Variants in ZNF804B observed in about 807,000 individuals in gnomAD.
The protein encoded by ZNF804B is zinc finger protein 804B.
Under a neutral mutation model 101.4 loss-of-function variants are expected in ZNF804B, and 80 were observed. The observed-to-expected ratio is 0.79, with a 90% confidence interval of 0.66 to 0.95. The LOEUF is 0.95. Ranked by LOEUF, ZNF804B falls within the 40% of genes least tolerant of loss-of-function variation. The pLI, the probability that ZNF804B is intolerant of heterozygous loss-of-function variation, is 0.00. For synonymous variants in ZNF804B, 622 were observed against 558.8 expected (o/e 1.11, Z -1.59); for missense variants, 1,673 against 1,561.9 (o/e 1.07, Z -1.20).
chr7:89,296,482 G>A (rs1353825615), intron 2 of ZNF804B, among the ~76,000 whole-genome samples: 3 of 151,840 alleles, frequency 2.0e-5, no homozygotes, highest in Non-Finnish European at 4.4e-5. Context: ...TTCTACTTTT[G>A]AGAGCCACAT....
rs1219722687 is a variant in ZNF804B, at chr7:89,299,915, T to C, written c.250-27429T>C. Among the ~76,000 whole-genome samples the C allele has an allele frequency of 4.6e-5, 7 of 151,982 alleles. No homozygotes were observed. The East Asian group carries it at 9.7e-4, about 21-fold the overall frequency. On this transcript the variant is annotated intron_variant, in intron 2 of 3. Coordinates refer to ENST00000333190, the MANE Select transcript of ZNF804B (RefSeq NM_181646.5). ...AAACATCTTACTGAAATAAATGATTTGTCTTGGTAATAGAAGTGTCAAAAG... is the reference window on the plus strand; with the variant it reads ...AAACATCTTACTGAAATAAATGATTCGTCTTGGTAATAGAAGTGTCAAAAG...
At chr7:88,818,313 G>A (rs6943791) in intron 1 of ZNF804B, among the ~76,000 whole-genome samples, 66,120 of 151,892 alleles carry the variant, frequency 0.44, 15,209 homozygotes, top group East Asian at 0.81. Context: ...TTGGCATAAA[G>A]TCATTGCTGA....
At chr7:89,212,098 T>C (rs1788813722) in intron 1 of ZNF804B, among the ~76,000 whole-genome samples, 1 of 152,150 alleles carries the variant, frequency 6.6e-6, no homozygotes, top group African/African-American at 2.4e-5. Flanking sequence ...TTTATTCTCT[T>C]TGTAAATTTG....
intron 1 of ZNF804B, among the ~76,000 whole-genome samples, chr7:88,776,568 T>TG (rs201311340): frequency 0.029 from 3,909 of 134,456 alleles, 223 homozygotes; most frequent in African/African-American, 0.11. Context: ...TTGTTTTTTT[T>TG]TTTTTTTTTT....
chr7:88,918,424 C>T (rs374109907), intron 1 of ZNF804B, among the ~76,000 whole-genome samples: 10 of 152,222 alleles, frequency 6.6e-5, no homozygotes, highest in East Asian at 3.9e-4. Flanking sequence ...ACATCTGTTA[C>T]ATTAAATTTT....
chr7:89,184,089 G>A (rs894796938), intron 1 of ZNF804B, among the ~76,000 whole-genome samples: 2 of 152,048 alleles, frequency 1.3e-5, no homozygotes, highest in African/African-American at 4.8e-5. Context: ...ATAGAATGAT[G>A]GAATCATTTA....
chr7:88,995,523 C>T (rs1025772390), intron 1 of ZNF804B, among the ~76,000 whole-genome samples: 1 of 152,002 alleles, frequency 6.6e-6, no homozygotes, highest in Admixed American at 6.6e-5. Flanking sequence ...GCACATTGTA[C>T]ATTTCTTCCC....
At chr7:88,795,000 T>C in intron 1 of ZNF804B, 1 of 1,446,538 alleles carries the variant, frequency 6.9e-7, no homozygotes, top group East Asian at 2.3e-5. Context: ...ATAATATTTA[T>C]GCTGCCAGGG....
intron 1 of ZNF804B, among the ~76,000 whole-genome samples, chr7:88,948,286 C>T (rs949870779): frequency 4.1e-5 from 6 of 147,140 alleles, no homozygotes; most frequent in Non-Finnish European, 7.4e-5. Context: ...AAACAACCTT[C>T]GTGTACTAGC....
chr7:89,262,200 A>C (rs1023901887), intron 2 of ZNF804B, among the ~76,000 whole-genome samples: 1 of 152,228 alleles, frequency 6.6e-6, no homozygotes, highest in Non-Finnish European at 1.5e-5. Flanking sequence ...GTAGAGCTGG[A>C]TCAAGTGTAA....
At chr7:88,950,477 C>A (rs1009614618) in intron 1 of ZNF804B, among the ~76,000 whole-genome samples, 1 of 70,424 alleles carries the variant, frequency 1.4e-5, no homozygotes, top group Non-Finnish European at 3.1e-5. Context: ...ATTTTGAATT[C>A]ATGAAAACAG....
rs142082806 is a variant in ZNF804B at position 88,781,335 on chromosome 7, C to A, written c.108+21251C>A. Reference sequence around the variant, plus strand: ...TTCTTCCTGAGGATATTAAGAGCAGCAGCAGAAGCCTGCTTAAGGACTTAC... The same window carrying A: ...TTCTTCCTGAGGATATTAAGAGCAGAAGCAGAAGCCTGCTTAAGGACTTAC... On this transcript the variant is annotated intron_variant, in intron 1 of 3. Coordinates refer to ENST00000333190, the MANE Select transcript of ZNF804B (RefSeq NM_181646.5). 1.9e-3 allele frequency among the ~76,000 whole-genome samples: 295 copies of A among 152,280 alleles called. 1 individual carries two copies. The highest frequency in any genetic ancestry group is 6.8e-3 in the African/African-American group (284 of 41,562).
At chr7:89,076,397 G>A (rs890126259) in intron 1 of ZNF804B, among the ~76,000 whole-genome samples, 3 of 152,142 alleles carry the variant, frequency 2.0e-5, no homozygotes, top group African/African-American at 7.2e-5. Context: ...CTCTCTCTTT[G>A]CCTAACTCCA....
At chr7:89,291,349 T>C (rs1790289315) in intron 2 of ZNF804B, among the ~76,000 whole-genome samples, 1 of 152,184 alleles carries the variant, frequency 6.6e-6, no homozygotes, top group Admixed American at 6.5e-5. Flanking sequence ...GAATTTAAAA[T>C]AGTTGTTTTT....
chr7:88,938,709 A>G (rs1793010449), intron 1 of ZNF804B, among the ~76,000 whole-genome samples: 1 of 152,078 alleles, frequency 6.6e-6, no homozygotes, highest in Non-Finnish European at 1.5e-5. Flanking sequence ...TCAGCAAAAC[A>G]GGAGGAAAAG....
chr7:89,066,745 G>C (rs1007391683), intron 1 of ZNF804B, among the ~76,000 whole-genome samples: 2 of 151,052 alleles, frequency 1.3e-5, no homozygotes, highest in African/African-American at 2.5e-5. Flanking sequence ...ACATTCTTTT[G>C]CTTGTTTATT....
chr7:88,787,859 A>G (rs1049051192), intron 1 of ZNF804B, among the ~76,000 whole-genome samples: 4 of 152,262 alleles, frequency 2.6e-5, no homozygotes, highest in East Asian at 1.9e-4. Flanking sequence ...CTGAGAAGAG[A>G]GAGTAGGAAG....
intron 1 of ZNF804B, among the ~76,000 whole-genome samples, chr7:88,806,411 T>C (rs935625054): frequency 5.3e-5 from 8 of 152,164 alleles, no homozygotes; most frequent in African/African-American, 1.9e-4. Context: ...TGGTTTGGTT[T>C]TCTGGGAAGA....
intron 1 of ZNF804B, among the ~76,000 whole-genome samples, chr7:88,961,223 T>C (rs1247828895): frequency 6.7e-6 from 1 of 149,622 alleles, no homozygotes; most frequent in Non-Finnish European, 1.5e-5. Flanking sequence ...AATTATGTCG[T>C]GTGTTGTATA....
Sources: gnomAD v4.1 joint callset for allele counts (sites outside exome capture counted in the v4.1 genomes callset) on GRCh38, gnomAD v4.1.1 for gene constraint, MANE v1.5 for transcripts, NCBI Gene and HGNC (gene_info 2026-07-23, HGNC 2026-07-21) for gene names.